Variants in RBM20 observed in about 807,000 individuals in gnomAD.
RBM20 encodes the protein RNA-binding protein 20.
In RBM20, 51 loss-of-function variants were observed where a neutral mutation model predicts 110.1. That is an observed-to-expected ratio of 0.46 (90% confidence interval 0.37 to 0.59). The LOEUF (loss-of-function observed/expected upper bound fraction) is 0.59. RBM20 is among the 20% of genes least tolerant of loss of function. The pLI, the probability that RBM20 is intolerant of heterozygous loss-of-function variation, is 0.00. For synonymous variants in RBM20, 589 were observed against 618.2 expected (o/e 0.95, Z 0.70); for missense variants, 1,512 against 1,574.9 (o/e 0.96, Z 0.68).
At chr10:110,798,391 A>G (rs1844578337) in intron 6 of RBM20, among the ~76,000 whole-genome samples, 1 of 152,234 alleles carries the variant, frequency 6.6e-6, no homozygotes, top group Admixed American at 6.5e-5. Context: ...CAGGTCATTA[A>G]GCTATCTCTC....
chr10:110,780,888 A>C lies in RBM20; in HGVS notation c.279A>C (p.Gln93His). 1 of 1,550,946 alleles carries C rather than the reference A, an allele frequency of 6.4e-7. No homozygotes were observed. Among genetic ancestry groups the C allele is most frequent in the Non-Finnish European group, 8.7e-7 (1 of 1,146,272 alleles). Residue 93 changes from glutamine (Q) to histidine (H), a missense_variant, in exon 2 of 14, where the codon CAA (glutamine) becomes CAC (histidine). By Grantham distance (24) the Gln-to-His change is conservative. Around this residue, in one of 3 missense-constraint regions of RBM20, gnomAD observed 1,149 missense variants for 1,169.4 expected, o/e 0.98. Transcript: ENST00000369519. ...LPSPASLQLA[Q>H]LQAQLTLHRL... ...CACCTGCCAGTCTCCAGCTGGCTCA[A>C]CTGCAGGCCCAGCTCACCCTCCACC... is the stretch of plus-strand genomic sequence containing the variant.
chr10:110,779,795 G>A (rs1333929134), intron 1 of RBM20, among the ~76,000 whole-genome samples: 1 of 152,218 alleles, frequency 6.6e-6, no homozygotes, highest in East Asian at 1.9e-4. Flanking sequence ...GAGAGTATAG[G>A]AGACGCTGAA....
intron 1 of RBM20, among the ~76,000 whole-genome samples, chr10:110,678,203 G>C (rs1411379980): frequency 6.6e-6 from 1 of 152,146 alleles, no homozygotes; most frequent in Non-Finnish European, 1.5e-5. Context: ...GTACTCAAAA[G>C]TTTATCCACA....
chr10:110,830,477 TA>T (rs1361218172), intron 12 of RBM20, among the ~76,000 whole-genome samples: 5 of 152,304 alleles, frequency 3.3e-5, no homozygotes, highest in Middle Eastern at 3.4e-3. Context: ...CAGAGAATTG[TA>T]ATTAGGGTAT....
At chr10:110,784,985 G>A (rs1844402733) in intron 5 of RBM20, 96 bp downstream of exon 5, 3 of 785,388 alleles carry the variant, frequency 3.8e-6, no homozygotes, top group South Asian at 3.5e-5. Flanking sequence ...GGAATGCAAT[G>A]GTGCAATCAT....
In RBM20 at chr10:110,817,320, C is replaced by T. The variant is rs189614389; in HGVS notation, c.2551-2752C>T. Among the ~76,000 whole-genome samples the T allele has an allele frequency of 5.7e-4, 87 of 152,250 alleles. 2 individuals are homozygous for T. Among genetic ancestry groups the T allele is most frequent in the Middle Eastern group, 3.4e-3 (1 of 292 alleles). The stretch of plus-strand genomic sequence containing the variant: ...AGCAAGACAAGTGTCTAGTATAAAC[C>T]AAAACATACCTGTGGGCCAGATGCC... On this transcript the variant is annotated intron_variant, in intron 9 of 13. Transcript: ENST00000369519.
At position 110,739,482 on chromosome 10, in the gene RBM20, G is replaced by T. The variant is rs1843704097; in HGVS notation, c.192-41319G>T. On this transcript the variant is annotated intron_variant, in intron 1 of 13. Transcript: ENST00000369519. This position sits in a 1 kb window ranked among gnomAD's most constrained non-coding sequence, Gnocchi z 4.1. Reference sequence around the variant, plus strand: ...GTTTTGATGAGCTGCCGGATCTCTTGACCCCTCAGAGAATTTTACATTAGG... The same window carrying T: ...GTTTTGATGAGCTGCCGGATCTCTTTACCCCTCAGAGAATTTTACATTAGG... Among the ~76,000 whole-genome samples the T allele has an allele frequency of 6.6e-6, 1 of 152,094 alleles. No homozygotes were observed. Among genetic ancestry groups the T allele is most frequent in the Non-Finnish European group, 1.5e-5 (1 of 68,018 alleles).
intron 5 of RBM20, among the ~76,000 whole-genome samples, chr10:110,793,690 G>A (rs963745951): frequency 6.6e-6 from 1 of 152,234 alleles, no homozygotes; most frequent in African/African-American, 2.4e-5. Context: ...TGGCTGCTGT[G>A]ATTGGCTGAG....
intron 1 of RBM20, among the ~76,000 whole-genome samples, chr10:110,779,469 T>C (rs75932022): frequency 0.027 from 4,137 of 152,320 alleles, 106 homozygotes; most frequent in Middle Eastern, 0.037. Flanking sequence ...TTGTCATATA[T>C]CCTTTCTAAT....
chr10:110,709,404 C>T (rs1388899405), intron 1 of RBM20, among the ~76,000 whole-genome samples: 1 of 152,148 alleles, frequency 6.6e-6, no homozygotes, highest in Non-Finnish European at 1.5e-5. Context: ...CTGGGAGCAG[C>T]CCACACTGGC....
At chr10:110,669,047 A>G (rs1306121676) in intron 1 of RBM20, among the ~76,000 whole-genome samples, 1 of 152,158 alleles carries the variant, frequency 6.6e-6, no homozygotes, top group African/African-American at 2.4e-5. Context: ...ATGTATGTGT[A>G]TTTAACTTAG....
chr10:110,824,891 C>T (rs149390885), intron 12 of RBM20, among the ~76,000 whole-genome samples: 3 of 152,266 alleles, frequency 2.0e-5, no homozygotes, highest in South Asian at 2.1e-4. Flanking sequence ...CTGATGACCA[C>T]GTGTCTGATC....
chr10:110,784,274 C>G (rs1269281671), intron 3 of RBM20, 67 bp from the exon 4 acceptor site: 57 of 1,215,024 alleles, frequency 4.7e-5, no homozygotes, highest in Admixed American at 9.9e-5. Context: ...AGTGGAATTT[C>G]TGGGTCACAT....
intron 12 of RBM20, among the ~76,000 whole-genome samples, chr10:110,827,321 CT>C (rs1457611612): frequency 6.6e-6 from 1 of 151,998 alleles, no homozygotes; most frequent in East Asian, 1.9e-4. Context: ...GAGATCCAGG[CT>C]GCAGTGAGCC....
chr10:110,776,520 G>T (rs1844266542), intron 1 of RBM20, among the ~76,000 whole-genome samples: 1 of 152,070 alleles, frequency 6.6e-6, no homozygotes, highest in Non-Finnish European at 1.5e-5. Flanking sequence ...CATTTCTTTG[G>T]CTCATGGCCC....
intron 1 of RBM20, among the ~76,000 whole-genome samples, chr10:110,708,495 A>G (rs1418075299): frequency 1.3e-5 from 2 of 152,226 alleles, no homozygotes; most frequent in African/African-American, 4.8e-5. Flanking sequence ...TTCATACAGT[A>G]TAAAGCTAAA....
chr10:110,711,425 G>A (rs1862927649), intron 1 of RBM20, among the ~76,000 whole-genome samples: 1 of 150,782 alleles, frequency 6.6e-6, no homozygotes, highest in South Asian at 2.1e-4. Flanking sequence ...TACCACCACT[G>A]CAATAGCTCT....
intron 1 of RBM20, among the ~76,000 whole-genome samples, chr10:110,666,661 A>G (rs1862183350): frequency 6.6e-6 from 1 of 152,046 alleles, no homozygotes; most frequent in Non-Finnish European, 1.5e-5. Flanking sequence ...AAAATAAAAA[A>G]CAAAAATCAC....
At chr10:110,805,031 A>G (rs1479725478) in intron 7 of RBM20, among the ~76,000 whole-genome samples, 1 of 152,220 alleles carries the variant, frequency 6.6e-6, no homozygotes, top group Non-Finnish European at 1.5e-5. Context: ...TGAATGGTCC[A>G]TGGTGCTCTC....
Sources: allele counts gnomAD v4.1 joint callset (sites outside exome capture counted in the v4.1 genomes callset), GRCh38; gene constraint gnomAD v4.1.1; regional missense constraint gnomAD v4.1.1; non-coding constraint Gnocchi (gnomAD v3.1); transcripts MANE v1.5; gene names NCBI Gene and HGNC (gene_info 2026-07-23, HGNC 2026-07-21).